Variants in DUSP22 observed in about 807,000 individuals in gnomAD.
DUSP22 encodes the protein dual specificity protein phosphatase 22.
DUSP22 carries 24 observed loss-of-function variants against 24.5 expected under a neutral mutation model. The ratio of observed to expected loss-of-function variants is 0.98; its 90% confidence interval spans 0.71 to 1.38. The LOEUF (loss-of-function observed/expected upper bound fraction) is 1.38, where lower values mean the gene tolerates loss of function less well. Ranked by LOEUF, DUSP22 falls within the 40% of genes most tolerant of loss-of-function variation. The pLI, the probability that DUSP22 is intolerant of heterozygous loss-of-function variation, is 0.00. For missense variants in DUSP22, 330 were observed against 269.2 expected, an observed-to-expected ratio of 1.23 and a Z score of -1.58; for synonymous variants, 160 against 106.4, an observed-to-expected ratio of 1.50 and a Z score of -3.10.
intron 1 of DUSP22, among the ~76,000 whole-genome samples, chr6:296,006 A>G (rs145070202): frequency 2.9e-3 from 449 of 152,244 alleles, no homozygotes; most frequent in African/African-American, 0.01. Context: ...GAAGATAGGA[A>G]AAGTCTTTCC....
chr6:317,276 C>T (rs1026886525), intron 3 of DUSP22, among the ~76,000 whole-genome samples: 3 of 152,302 alleles, frequency 2.0e-5, no homozygotes, highest in Non-Finnish European at 2.9e-5. Flanking sequence ...GGCCTGAGGC[C>T]GAGGTCTCCT....
chr6:350,533 G>T lies in DUSP22; in HGVS notation c.*1582G>T, dbSNP rs1195481175. ...GGTGTGTCAAAGGTGAGCTTTTTGGGGACCGGGAAAAACAAAGTTGCCTGA... is the reference window on the plus strand; with the variant it reads ...GGTGTGTCAAAGGTGAGCTTTTTGGTGACCGGGAAAAACAAAGTTGCCTGA... On this transcript the variant is annotated 3_prime_UTR_variant, in exon 7 of 7. Transcript: ENST00000419235. 1.4e-5 allele frequency: 19 copies of T among 1,335,536 alleles called. No homozygotes were observed. In the South Asian group the frequency reaches 3.2e-4, roughly 22 times the overall value. 82.7% of individuals were successfully genotyped at this position (1,335,536 alleles called of 1,614,324 possible).
intron 3 of DUSP22, among the ~76,000 whole-genome samples, chr6:332,542 G>T (rs1334211395): frequency 6.6e-6 from 1 of 152,296 alleles, no homozygotes; most frequent in Non-Finnish European, 1.5e-5. Context: ...CACACATGGA[G>T]ACTGCCCATA....
At chr6:342,889 T>C (rs1759674932) in intron 4 of DUSP22, among the ~76,000 whole-genome samples, 1 of 152,306 alleles carries the variant, frequency 6.6e-6, no homozygotes, top group Non-Finnish European at 1.5e-5. Context: ...TGACATGTCT[T>C]GTCCGGTTCC....
At chr6:341,247 G>C (rs560926535) in intron 4 of DUSP22, among the ~76,000 whole-genome samples, 101 of 152,386 alleles carry the variant, frequency 6.6e-4, no homozygotes, top group African/African-American at 2.3e-3. Context: ...TATTCCACAC[G>C]GCTGTGCGTG....
chr6:331,799 A>G (rs1759151262), intron 3 of DUSP22, among the ~76,000 whole-genome samples: 1 of 152,308 alleles, frequency 6.6e-6, no homozygotes, highest in Non-Finnish European at 1.5e-5. Flanking sequence ...ACCAAGATAA[A>G]TAGATGTTCT....
chr6:309,719 TA>T (rs1757985046), intron 2 of DUSP22, among the ~76,000 whole-genome samples: 2 of 53,994 alleles, frequency 3.7e-5, no homozygotes, highest in Non-Finnish European at 1.2e-4. Context: ...CACACACACA[TA>T]CTATAAAGAA....
rs373377608 is a variant in DUSP22 at position 350,051 on chromosome 6, C to T, written c.*1100C>T. On this transcript the variant is annotated 3_prime_UTR_variant, in exon 7 of 7. Coordinates refer to ENST00000419235, the MANE Select transcript of DUSP22 (RefSeq NM_001286555.3). Reference sequence around the variant, plus strand: ...TTAAAATGCCTGAGCATTTATTAAGCTTCTTGGTATTCACTTGGGTTTGAT... The same window carrying T: ...TTAAAATGCCTGAGCATTTATTAAGTTTCTTGGTATTCACTTGGGTTTGAT... The T allele has an allele frequency of 0.012, 11,998 of 983,380 alleles. 7 individuals are homozygous for T. The highest frequency in any genetic ancestry group is 0.013 in the Non-Finnish European group (11,048 of 828,030). 60.9% of individuals were successfully genotyped at this position (983,380 alleles called of 1,614,324 possible). A position where few individuals can be genotyped will look rare whatever the true frequency, so the allele number is the denominator to read the frequency against.
chr6:301,334 G>A (rs922353488), intron 1 of DUSP22, among the ~76,000 whole-genome samples: 1 of 152,422 alleles, frequency 6.6e-6, no homozygotes, highest in Admixed American at 6.5e-5. Context: ...GCTATTGCAA[G>A]ATGGGACCAG....
At chr6:346,467 A>C (rs1029716882) in intron 5 of DUSP22, among the ~76,000 whole-genome samples, 3 of 148,080 alleles carry the variant, frequency 2.0e-5, no homozygotes, top group East Asian at 4.1e-4. Flanking sequence ...CAGTGAAAAG[A>C]AAGCTACTGT....
chr6:323,183 A>T (rs920529859), intron 3 of DUSP22, among the ~76,000 whole-genome samples: 3 of 152,296 alleles, frequency 2.0e-5, no homozygotes, highest in African/African-American at 7.2e-5. Context: ...ATGCTTTTAA[A>T]AATGTGTTCC....
chr6:295,800 A>C (rs1471376120), intron 1 of DUSP22, among the ~76,000 whole-genome samples: 1 of 5,090 alleles, frequency 2.0e-4, no homozygotes, highest in African/African-American at 3.4e-4. Flanking sequence ...ACCCTGTTTC[A>C]AAAAAAAAAA....
At chr6:342,921 T>G (rs1017076255) in intron 4 of DUSP22, among the ~76,000 whole-genome samples, 28 of 152,296 alleles carry the variant, frequency 1.8e-4, no homozygotes, top group Non-Finnish European at 3.8e-4. Flanking sequence ...GCCAGCAGAC[T>G]TCTCTGCCAA....
At chr6:327,776 A>T (rs1447827238) in intron 3 of DUSP22, among the ~76,000 whole-genome samples, 1 of 152,300 alleles carries the variant, frequency 6.6e-6, no homozygotes, top group African/African-American at 2.4e-5. Context: ...CAGAAAGCCT[A>T]TTCCAGAGAG....
At chr6:310,160 C>T (rs1238008882) in intron 2 of DUSP22, among the ~76,000 whole-genome samples, 13 of 152,298 alleles carry the variant, frequency 8.5e-5, no homozygotes, top group African/African-American at 2.4e-4. Context: ...GTGGTTTCGC[C>T]GTGGTGACCA....
chr6:347,902 G>A (rs367970437), intron 5 of DUSP22, among the ~76,000 whole-genome samples: 610 of 152,128 alleles, frequency 4.0e-3, no homozygotes, highest in African/African-American at 0.014. Flanking sequence ...GAAAGCATGC[G>A]ATTCTAGTGC....
intron 3 of DUSP22, among the ~76,000 whole-genome samples, chr6:329,106 C>T (rs1039224889): frequency 1.2e-4 from 18 of 152,296 alleles, no homozygotes; most frequent in Non-Finnish European, 2.5e-4. Flanking sequence ...AATAAAGACA[C>T]CTTGCAAAGA....
intron 3 of DUSP22, among the ~76,000 whole-genome samples, chr6:318,622 C>T (rs1758438088): frequency 6.6e-6 from 1 of 152,306 alleles, no homozygotes; most frequent in South Asian, 2.1e-4. Flanking sequence ...CTCTCAGGAC[C>T]CCAGGGCCTT....
chr6:318,650 A>G (rs1758439643), intron 3 of DUSP22, among the ~76,000 whole-genome samples: 1 of 152,296 alleles, frequency 6.6e-6, no homozygotes, highest in Admixed American at 6.5e-5. Context: ...CAGAACCTGC[A>G]AGTCACAGAA....
Sources: gnomAD v4.1 joint callset for allele counts (sites outside exome capture counted in the v4.1 genomes callset) on GRCh38, gnomAD v4.1.1 for gene constraint, MANE v1.5 for transcripts, NCBI Gene and HGNC (gene_info 2026-07-23, HGNC 2026-07-21) for gene names.